Variants in KCNMA1 observed in about 807,000 individuals in gnomAD.
KCNMA1 encodes potassium calcium-activated channel subfamily M alpha 1, also known as Calcium-activated potassium channel subunit alpha-1.
KCNMA1 carries 29 observed loss-of-function variants against 140.0 expected under a neutral mutation model. The ratio of observed to expected loss-of-function variants is 0.21; its 90% CI spans 0.15 to 0.28. The LOEUF (loss-of-function observed/expected upper bound fraction) is 0.28, where lower values mean the gene tolerates loss of function less well. Ranked by LOEUF, KCNMA1 falls within the 10% of genes least tolerant of loss-of-function variation. The probability of loss-of-function intolerance (pLI) is 1.00; values close to 1 mark genes in which losing one functional copy is unlikely to be tolerated. For missense variants in KCNMA1, 880 were observed against 1,602.2 expected (o/e 0.55, Z 7.70); for synonymous variants, 612 against 611.9 (o/e 1.00, Z 0.00).
chr10:77,076,569 C>T (rs897241010), intron 13 of KCNMA1, among the ~76,000 whole-genome samples: 10 of 152,182 alleles, frequency 6.6e-5, no homozygotes, highest in Admixed American at 1.3e-4. Context: ...TCTGTCTCCC[C>T]GCTCGCTGGC....
intron 1 of KCNMA1, among the ~76,000 whole-genome samples, chr10:77,430,258 C>T (rs1014866109): frequency 6.6e-6 from 1 of 152,212 alleles, no homozygotes; most frequent in Non-Finnish European, 1.5e-5. Flanking sequence ...CTGCCCACCT[C>T]AAGACAAATG....
intron 5 of KCNMA1, among the ~76,000 whole-genome samples, chr10:77,122,949 C>T (rs1486273941): frequency 6.6e-5 from 10 of 151,770 alleles, no homozygotes; most frequent in South Asian, 2.1e-4. Flanking sequence ...GAGGCCGAGG[C>T]GGGAGGATCA....
At chr10:77,240,425 C>T (rs1375873200) in intron 3 of KCNMA1, among the ~76,000 whole-genome samples, 1 of 152,110 alleles carries the variant, frequency 6.6e-6, no homozygotes, top group Non-Finnish European at 1.5e-5. Flanking sequence ...GGCTTCCCAT[C>T]TTAGAGAGAG....
At chr10:76,934,063 C>T (rs537297508) in intron 23 of KCNMA1, among the ~76,000 whole-genome samples, 1 of 152,280 alleles carries the variant, frequency 6.6e-6, no homozygotes, top group Non-Finnish European at 1.5e-5. Flanking sequence ...ACCTCCACCT[C>T]CTGGGTTCAT....
chr10:77,319,672 G>T (rs2081814818), intron 2 of KCNMA1, among the ~76,000 whole-genome samples: 2 of 152,206 alleles, frequency 1.3e-5, no homozygotes, highest in African/African-American at 2.4e-5. Flanking sequence ...TGAGTGGTTT[G>T]CTCTAGCCAA....
chr10:77,089,603 T>C (rs1295890197), intron 10 of KCNMA1, among the ~76,000 whole-genome samples: 3 of 152,246 alleles, frequency 2.0e-5, no homozygotes, highest in Non-Finnish European at 4.4e-5. Flanking sequence ...AAGTGGATTA[T>C]ACAACCAAAT....
chr10:76,974,439 C>T (rs1337279600), intron 19 of KCNMA1: 3 of 1,086,522 alleles, frequency 2.8e-6, no homozygotes, highest in Middle Eastern at 2.0e-4. Context: ...ATGTTGAGGG[C>T]TGCAGGGTAG....
At chr10:77,093,736 A>C (rs2096867181) in intron 9 of KCNMA1, among the ~76,000 whole-genome samples, 1 of 152,222 alleles carries the variant, frequency 6.6e-6, no homozygotes, top group Non-Finnish European at 1.5e-5. Flanking sequence ...ATTATTAGAG[A>C]TATCAACACA....
intron 1 of KCNMA1, among the ~76,000 whole-genome samples, chr10:77,453,139 T>C (rs796606402): frequency 5.3e-5 from 8 of 152,280 alleles, no homozygotes; most frequent in African/African-American, 1.9e-4. Context: ...AACTGGGGAT[T>C]CCAGCCTGAC....
chr10:76,951,034 T>C (rs2066064562), intron 21 of KCNMA1, among the ~76,000 whole-genome samples: 1 of 152,170 alleles, frequency 6.6e-6, no homozygotes, highest in Admixed American at 6.5e-5. Flanking sequence ...GTGATGGGGC[T>C]CCTAATTATT....
chr10:76,948,896 T>C, intron 22 of KCNMA1: 1 of 569,696 alleles, frequency 1.8e-6, no homozygotes, highest in Non-Finnish European at 3.1e-6. Context: ...ATATGGTTAA[T>C]ATACTTGATA....
intron 10 of KCNMA1, among the ~76,000 whole-genome samples, chr10:77,089,209 A>G (rs1284993338): frequency 6.6e-6 from 1 of 152,228 alleles, no homozygotes; most frequent in Non-Finnish European, 1.5e-5. Flanking sequence ...TCAGAAGTCT[A>G]GCATTCTGTG....
Position 76,954,284 on chromosome 10 carries a change from CACACACACAT to C in KCNMA1, c.2361-370_2361-361del, listed in dbSNP as rs1382212841. 1.5e-4 allele frequency among the ~76,000 whole-genome samples: 21 copies of C among 144,744 alleles called. No homozygotes were observed. The East Asian group carries it at 4.5e-3, about 31-fold the overall frequency. 95.0% of individuals were successfully genotyped at this position (144,744 alleles called of 152,430 possible). On this transcript the variant is annotated intron_variant, in intron 20 of 27. Transcript: ENST00000286628. ...TCCCCAGCGTGCACACACACACACA[CACACACACAT>C]ACACACACACAGACAGACACACCAA... is the stretch of plus-strand genomic sequence containing the variant.
At chr10:77,334,944 C>A (rs1174583671) in intron 2 of KCNMA1, among the ~76,000 whole-genome samples, 2 of 152,024 alleles carry the variant, frequency 1.3e-5, no homozygotes, top group Non-Finnish European at 2.9e-5. Context: ...ACATGTATGA[C>A]ACAGCACATC....
intron 1 of KCNMA1, among the ~76,000 whole-genome samples, chr10:77,573,147 T>C (rs756956282): frequency 7.9e-5 from 12 of 152,158 alleles, no homozygotes; most frequent in Non-Finnish European, 1.6e-4. Context: ...TATATTTAAA[T>C]CCATCAGCTT....
At chr10:77,439,345 T>TA (rs1369748539) in intron 1 of KCNMA1, among the ~76,000 whole-genome samples, 1 of 152,208 alleles carries the variant, frequency 6.6e-6, no homozygotes, top group Non-Finnish European at 1.5e-5. Flanking sequence ...GAAAGTACGT[T>TA]AGAGGTGGAG....
intron 1 of KCNMA1, among the ~76,000 whole-genome samples, chr10:77,450,841 C>T (rs767377630): frequency 6.6e-6 from 1 of 152,154 alleles, no homozygotes; most frequent in Non-Finnish European, 1.5e-5. Context: ...TAATAATTCC[C>T]ATGTGTTGTA....
chr10:77,180,910 A>G (rs1565036201), intron 5 of KCNMA1, among the ~76,000 whole-genome samples: 1 of 152,130 alleles, frequency 6.6e-6, no homozygotes, highest in Non-Finnish European at 1.5e-5. Context: ...AGATCACAAC[A>G]TATCTCCAAA....
intron 25 of KCNMA1, 93 bp downstream of exon 25, chr10:76,909,872 TG>T: frequency 7.5e-7 from 1 of 1,336,782 alleles, no homozygotes; most frequent in Non-Finnish European, 1.0e-6. Flanking sequence ...CTCTCCACTG[TG>T]GCCCCAGTGC....
Sources: gnomAD v4.1 joint callset for allele counts (sites outside exome capture counted in the v4.1 genomes callset) on GRCh38, gnomAD v4.1.1 for gene constraint, MANE v1.5 for transcripts, NCBI Gene and HGNC (gene_info 2026-07-23, HGNC 2026-07-21) for gene names.